Variants in RANBP17 observed in about 807,000 individuals in gnomAD.
The protein encoded by RANBP17 is RAN binding protein 17, also known as ran-binding protein 17.
In RANBP17, 158 loss-of-function variants were observed where a neutral mutation model predicts 141.2. That is an observed-to-expected ratio of 1.12 (90% CI 0.98 to 1.28). The LOEUF is 1.28. Ranked by LOEUF, RANBP17 falls within the 50% of genes most tolerant of loss-of-function variation. RANBP17 has a pLI of 0.00. For synonymous variants in RANBP17, 430 were observed against 450.0 expected (o/e 0.96, Z 0.56); for missense variants, 1,438 against 1,290.7 (o/e 1.11, Z -1.75).
chr5:170,971,183 T>C (rs1776959805), intron 14 of RANBP17, among the ~76,000 whole-genome samples: 1 of 152,346 alleles, frequency 6.6e-6, no homozygotes, highest in Middle Eastern at 3.4e-3. Context: ...ATATAATTTA[T>C]AGAAGTAAGT....
At chr5:170,887,119 G>A (rs61033127) in intron 3 of RANBP17, among the ~76,000 whole-genome samples, 1,786 of 151,454 alleles carry the variant, frequency 0.012, 30 homozygotes, top group African/African-American at 0.042. Context: ...TAAGGTCATC[G>A]GCCCATATTT....
chr5:171,259,544 A>G (rs1184163978), intron 24 of RANBP17, among the ~76,000 whole-genome samples: 1 of 152,248 alleles, frequency 6.6e-6, no homozygotes, highest in Non-Finnish European at 1.5e-5. Context: ...GCCATAAAAA[A>G]AGAATGAAAT....
chr5:171,217,442 G>A (rs981764546), intron 21 of RANBP17, among the ~76,000 whole-genome samples: 1 of 152,002 alleles, frequency 6.6e-6, no homozygotes, highest in African/African-American at 2.4e-5. Flanking sequence ...GTTAAGGAGG[G>A]GTCTGTCTTT....
rs1259273463 is a variant in RANBP17 at position 171,289,621 on chromosome 5, C to G, written c.2944-4262C>G. 5.3e-5 allele frequency among the ~76,000 whole-genome samples: 8 copies of G among 152,140 alleles called. No homozygotes were observed. The South Asian group carries it at 1.7e-3, about 32-fold the overall frequency. On this transcript the variant is annotated intron_variant, in intron 25 of 27. Transcript: ENST00000523189. ...AAGTATGGTGGCACCTGCCTGTAGT[C>G]CCAGCCACACAGGAGGCTGAGGTGG...
chr5:170,891,500 C>G (rs1342017394), intron 3 of RANBP17, among the ~76,000 whole-genome samples: 8 of 152,120 alleles, frequency 5.3e-5, no homozygotes, highest in Non-Finnish European at 1.2e-4. Context: ...TCTCACACTG[C>G]TATAAAGAAA....
chr5:171,221,650 G>A, intron 21 of RANBP17, 108 bp from the exon 22 acceptor site: 1 of 679,554 alleles, frequency 1.5e-6, no homozygotes. Context: ...AACTTTAAGA[G>A]ACAATTGTAC....
intron 14 of RANBP17, among the ~76,000 whole-genome samples, chr5:171,051,597 T>A (rs1325034482): frequency 6.6e-6 from 1 of 152,218 alleles, no homozygotes; most frequent in Non-Finnish European, 1.5e-5. Context: ...TATTTAATAT[T>A]TCACTTTATG....
At chr5:170,880,975 CA>C (rs1440432056) in intron 2 of RANBP17, among the ~76,000 whole-genome samples, 3 of 152,166 alleles carry the variant, frequency 2.0e-5, no homozygotes, top group African/African-American at 7.2e-5. Context: ...TTTAGCTATT[CA>C]ATTCTGCCAT....
intron 19 of RANBP17, among the ~76,000 whole-genome samples, chr5:171,202,549 C>G (rs2127957175): frequency 6.6e-6 from 1 of 152,282 alleles, no homozygotes; most frequent in East Asian, 1.9e-4. Context: ...CCAAATGTTG[C>G]AAACAGCACT....
chr5:171,116,847 C>G (rs961429082), intron 14 of RANBP17, among the ~76,000 whole-genome samples: 7 of 152,138 alleles, frequency 4.6e-5, no homozygotes, highest in Admixed American at 3.9e-4. Context: ...TTAATATTCT[C>G]TATTCTACTT....
chr5:171,273,699 T>C (rs1025105840), intron 25 of RANBP17, among the ~76,000 whole-genome samples: 3 of 152,222 alleles, frequency 2.0e-5, no homozygotes, highest in Non-Finnish European at 4.4e-5. Context: ...TTCTGTAGTA[T>C]ACAATCTTAA....
At chr5:170,978,956 A>G (rs763332196) in intron 14 of RANBP17, among the ~76,000 whole-genome samples, 5 of 152,202 alleles carry the variant, frequency 3.3e-5, no homozygotes, top group Non-Finnish European at 5.9e-5. Flanking sequence ...GTATTGTTAC[A>G]CAGTGGGATT....
At chr5:170,900,021 C>T (rs1416483542) in intron 5 of RANBP17, among the ~76,000 whole-genome samples, 2 of 152,088 alleles carry the variant, frequency 1.3e-5, no homozygotes, top group African/African-American at 2.4e-5. Flanking sequence ...CAGGATGATG[C>T]TGGCCTCATA....
At chr5:171,082,523 T>C (rs527738971) in intron 14 of RANBP17, among the ~76,000 whole-genome samples, 21 of 152,240 alleles carry the variant, frequency 1.4e-4, no homozygotes, top group African/African-American at 4.8e-4. Flanking sequence ...ATCTACCCTT[T>C]GCTCAACATT....
chr5:170,981,599 G>T (rs894959390), intron 14 of RANBP17, among the ~76,000 whole-genome samples: 4 of 151,702 alleles, frequency 2.6e-5, no homozygotes, highest in Non-Finnish European at 5.9e-5. Flanking sequence ...TGTAAGACGT[G>T]ACTTGCTGCT....
chr5:171,052,337 T>C (rs1783005696), intron 14 of RANBP17, among the ~76,000 whole-genome samples: 1 of 152,204 alleles, frequency 6.6e-6, no homozygotes. Flanking sequence ...TACAAGGTCA[T>C]GAAGATTCAT....
intron 21 of RANBP17, among the ~76,000 whole-genome samples, chr5:171,219,824 A>T (rs928091117): frequency 6.6e-6 from 1 of 151,972 alleles, no homozygotes; most frequent in East Asian, 1.9e-4. Context: ...GCTTCCTTGC[A>T]TTGGGTTAGA....
chr5:170,874,663 T>TC (rs1768026500), intron 1 of RANBP17, among the ~76,000 whole-genome samples: 1 of 151,762 alleles, frequency 6.6e-6, no homozygotes, highest in Admixed American at 6.6e-5. Flanking sequence ...CTTTTTTTTT[T>TC]GCTTTCCATT....
At chr5:170,971,289 AGGCATTT>A (rs1382935717) in intron 14 of RANBP17, among the ~76,000 whole-genome samples, 4 of 152,238 alleles carry the variant, frequency 2.6e-5, no homozygotes, top group Non-Finnish European at 1.5e-5. Flanking sequence ...TAGTAGCCAT[AGGCATTT>A]ATTGAGCAAC....
Sources: gnomAD v4.1 joint callset for allele counts (sites outside exome capture counted in the v4.1 genomes callset) on GRCh38, gnomAD v4.1.1 for gene constraint, MANE v1.5 for transcripts, NCBI Gene and HGNC (gene_info 2026-07-23, HGNC 2026-07-21) for gene names.